The following MPC1 variants were observed in gnomAD, a reference collection of about 807,000 sequenced individuals.
MPC1 encodes HSPC040 protein.
In MPC1, 6 loss-of-function variants were observed where a neutral mutation model predicts 13.9. The observed-to-expected ratio is 0.43, with a 90% CI of 0.24 to 0.85. The LOEUF (loss-of-function observed/expected upper bound fraction) is 0.85. MPC1 is among the 40% of genes least tolerant of loss of function. The pLI, the probability that MPC1 is intolerant of heterozygous loss-of-function variation, is 0.24. For missense variants in MPC1, 115 were observed against 143.3 expected (o/e 0.80, Z 1.01); for synonymous variants, 47 against 50.5 (o/e 0.93, Z 0.29).
chr6:166,377,704 A>T (rs1468637469), intron 1 of MPC1, among the ~76,000 whole-genome samples: 1 of 152,182 alleles, frequency 6.6e-6, no homozygotes, highest in Non-Finnish European at 1.5e-5. Context: ...AAAATGAGGG[A>T]GGGTTTTGAC....
intron 1 of MPC1, among the ~76,000 whole-genome samples, chr6:166,378,451 C>T (rs1326613534): frequency 1.4e-5 from 2 of 147,314 alleles, no homozygotes; most frequent in East Asian, 3.9e-4. Context: ...TGTATCCATT[C>T]ACCTTTACTG....
intron 2 of MPC1, among the ~76,000 whole-genome samples, chr6:166,368,306 C>T (rs554855717): frequency 5.6e-4 from 86 of 152,220 alleles, no homozygotes; most frequent in Non-Finnish European, 1.2e-3. Context: ...GCCTGTAATC[C>T]CAGCACTTTC....
rs1779857212 is a variant in MPC1, at chr6:166,382,864, A to G, written c.13T>C (p.Leu5=). Residue 5 remains leucine, a synonymous_variant, in exon 1 of 5, where the codon TTG becomes CTG. Coordinates refer to ENST00000360961, the MANE Select transcript of MPC1 (RefSeq NM_016098.4). MAGA[L]VRKAADYVRS... ...ACATAGTCCGCCGCTTTCCGCACCAACGCGCCCGCCATGGCTGTGCCGACA... is the reference window on the plus strand; with the variant it reads ...ACATAGTCCGCCGCTTTCCGCACCAGCGCGCCCGCCATGGCTGTGCCGACA... The G allele has an allele frequency of 6.3e-7, 1 of 1,594,252 alleles. No homozygotes were observed. The highest frequency in any genetic ancestry group is 8.5e-7 in the Non-Finnish European group (1 of 1,172,568).
chr6:166,366,659 A>G, intron 3 of MPC1, 136 bp downstream of exon 3: 1 of 780,212 alleles, frequency 1.3e-6, no homozygotes, highest in Non-Finnish European at 2.1e-6. Flanking sequence ...TAGAGAAGTA[A>G]CACTCTTCCA....
intron 1 of MPC1, among the ~76,000 whole-genome samples, chr6:166,381,432 C>T (rs557235961): frequency 6.6e-6 from 1 of 152,200 alleles, no homozygotes; most frequent in South Asian, 2.1e-4. Flanking sequence ...AATCAAGTTG[C>T]CTTCATACTA....
At chr6:166,382,356 C>A (rs1041350294) in intron 1 of MPC1, among the ~76,000 whole-genome samples, 3 of 151,822 alleles carry the variant, frequency 2.0e-5, no homozygotes, top group African/African-American at 7.3e-5. Context: ...CCAGGAGAGG[C>A]GTCCCCAGTG....
chr6:166,379,709 G>A (rs1022928132), intron 1 of MPC1, among the ~76,000 whole-genome samples: 3 of 152,192 alleles, frequency 2.0e-5, no homozygotes, highest in Admixed American at 6.5e-5. Flanking sequence ...TGCAGAGGAT[G>A]CAAAGTGTGT....
intron 1 of MPC1, among the ~76,000 whole-genome samples, chr6:166,372,558 TGA>T (rs1186191310): frequency 6.6e-6 from 1 of 152,228 alleles, no homozygotes; most frequent in Non-Finnish European, 1.5e-5. Context: ...TAAAACAATC[TGA>T]GAGTAAAGTC....
chr6:166,378,213 G>C (rs1779638691), intron 1 of MPC1, among the ~76,000 whole-genome samples: 1 of 152,142 alleles, frequency 6.6e-6, no homozygotes, highest in African/African-American at 2.4e-5. Context: ...CTTCTCACCT[G>C]GGTAGTAAGT....
intron 1 of MPC1, among the ~76,000 whole-genome samples, chr6:166,375,781 A>C (rs761356528): frequency 6.6e-5 from 10 of 152,170 alleles, no homozygotes; most frequent in Non-Finnish European, 1.5e-4. Context: ...AAATTGGTTA[A>C]GGTGTGTTCT....
chr6:166,382,353 A>C (rs1779824618), intron 1 of MPC1, among the ~76,000 whole-genome samples: 1 of 150,670 alleles, frequency 6.6e-6, no homozygotes, highest in Non-Finnish European at 1.5e-5. Flanking sequence ...CTACCAGGAG[A>C]GGCGTCCCCA....
rs775459967 is a variant in MPC1 at position 166,365,305 on chromosome 6, A to C, written c.*124T>G. On this transcript the variant is annotated 3_prime_UTR_variant, in exon 5 of 5. Coordinates refer to ENST00000360961, the MANE Select transcript of MPC1 (RefSeq NM_016098.4). This position sits in a 1 kb window ranked among gnomAD's most constrained non-coding sequence, Gnocchi z 4.2. ...AACTCTCAGCTATTTCTATAAAAATAGAATGGTTAGTAAAAATAGCATTCA... is the reference window on the plus strand; with the variant it reads ...AACTCTCAGCTATTTCTATAAAAATCGAATGGTTAGTAAAAATAGCATTCA... 4 of 741,078 alleles carry C rather than the reference A, an allele frequency of 5.4e-6. No individual in the cohort carries two copies. The highest frequency in any genetic ancestry group is 7.9e-6 in the Non-Finnish European group (4 of 508,702). The allele number at this position is 741,078 out of a possible 1,614,324, so 45.9% of individuals were successfully genotyped here.
intron 2 of MPC1, chr6:166,369,477 T>C (rs1374811865): frequency 1.3e-5 from 2 of 155,138 alleles, no homozygotes; most frequent in Non-Finnish European, 2.9e-5. Context: ...GTTCTGCAAG[T>C]TAAGAACTAT....
At chr6:166,379,663 A>G (rs1282341388) in intron 1 of MPC1, among the ~76,000 whole-genome samples, 1 of 152,246 alleles carries the variant, frequency 6.6e-6, no homozygotes, top group East Asian at 1.9e-4. Context: ...TTAGTTGAGA[A>G]AACCTCTAGA....
At chr6:166,367,610 C>A (rs1449656899) in intron 2 of MPC1, among the ~76,000 whole-genome samples, 1 of 152,172 alleles carries the variant, frequency 6.6e-6, no homozygotes, top group Non-Finnish European at 1.5e-5. Flanking sequence ...CTGTGTTTGA[C>A]AGCAGCCACA....
chr6:166,367,023 T>C, intron 2 of MPC1, 132 bp from the exon 3 acceptor site: 1 of 1,530,504 alleles, frequency 6.5e-7, no homozygotes, highest in Non-Finnish European at 8.8e-7. Context: ...ATCTTGCAGG[T>C]TTACTGGGTT....
In MPC1 at chr6:166,375,542, A is replaced by G. The variant is rs543237949; in HGVS notation, c.72-5321T>C. Among the ~76,000 whole-genome samples, 48 of 152,124 alleles carry G rather than the reference A, an allele frequency of 3.2e-4. No individual in the cohort carries two copies. The South Asian group carries it at 5.4e-3, about 17-fold the overall frequency. On this transcript the variant is annotated intron_variant, in intron 1 of 4. Transcript: ENST00000360961. Reference sequence around the variant, plus strand: ...TTCTAATACATGCATCCAATGCTATAAAAATTCTCTCTAATCACTGCTTTA... The same window carrying G: ...TTCTAATACATGCATCCAATGCTATGAAAATTCTCTCTAATCACTGCTTTA...
chr6:166,378,442 G>GTA (rs1319745748), intron 1 of MPC1, among the ~76,000 whole-genome samples: 2 of 151,792 alleles, frequency 1.3e-5, no homozygotes, highest in Non-Finnish European at 2.9e-5. Context: ...GTGTGTGTGT[G>GTA]TATCCATTCA....
intron 1 of MPC1, among the ~76,000 whole-genome samples, chr6:166,379,226 G>T (rs1779677251): frequency 1.3e-5 from 2 of 152,292 alleles, no homozygotes; most frequent in South Asian, 4.1e-4. Flanking sequence ...GGGCACAGTG[G>T]TTCATGCCTA....
Sources: gnomAD v4.1 joint callset for allele counts (sites outside exome capture counted in the v4.1 genomes callset) on GRCh38, gnomAD v4.1.1 for gene constraint, Gnocchi (gnomAD v3.1) non-coding constraint, MANE v1.5 for transcripts, NCBI Gene and HGNC (gene_info 2026-07-23, HGNC 2026-07-21) for gene names.